CADM4: variants seen among roughly 807,000 people sequenced by gnomAD.
CADM4 encodes cell adhesion molecule 4, also known as TSLC1-like 2.
In CADM4, 13 loss-of-function variants were observed where a neutral mutation model predicts 43.9. That is an observed-to-expected ratio of 0.30 (90% CI 0.19 to 0.47). The LOEUF is 0.47. Among genes scored for constraint, CADM4 ranks in the 20% least tolerant of loss-of-function variants. CADM4 has a pLI of 1.00. For missense variants in CADM4, 420 were observed against 527.0 expected, an observed-to-expected ratio of 0.80 and a Z score of 1.99; for synonymous variants, 209 against 220.9, an observed-to-expected ratio of 0.95 and a Z score of 0.48.
At chr19:43,630,195 G>A (rs1973596626) in intron 1 of CADM4, among the ~76,000 whole-genome samples, 1 of 151,056 alleles carries the variant, frequency 6.6e-6, no homozygotes, top group Non-Finnish European at 1.5e-5. Context: ...ATGAGCCACT[G>A]TGCCCGGCCT....
intron 7 of CADM4, 69 bp from the exon 8 acceptor site, chr19:43,624,311 A>G (rs1568539686): frequency 1.2e-6 from 2 of 1,605,270 alleles, no homozygotes; most frequent in Non-Finnish European, 1.7e-6. Context: ...ATCGCTGCCA[A>G]GCTTTTAAGC....
chr19:43,633,283 A>G (rs1304739300), intron 1 of CADM4, among the ~76,000 whole-genome samples: 1 of 152,096 alleles, frequency 6.6e-6, no homozygotes, highest in African/African-American at 2.4e-5. Context: ...CATGTTGCCC[A>G]GGCTGGTCTC....
rs2146139779 is a variant in CADM4 at position 43,626,986 on chromosome 19, G to C, written c.365-68C>G. 6.7e-7 allele frequency: 1 copy of C among 1,503,414 alleles called. No homozygotes were observed. Among genetic ancestry groups the C allele is most frequent in the Non-Finnish European group, 8.9e-7 (1 of 1,123,594 alleles). The allele number at this position is 1,503,414 out of a possible 1,614,324, so 93.1% of individuals were successfully genotyped here. On this transcript the variant is annotated intron_variant, in intron 3 of 8. Transcript: ENST00000222374. This position sits in a 1 kb window ranked among gnomAD's most constrained non-coding sequence, Gnocchi z 5.9. ...AACGTGGGCTCAAAGCGATCGAGCT[G>C]CCTGTTCCCAGCGACCATAGGGAAC...
rs1973516654 is a variant in CADM4 at position 43,625,853 on chromosome 19, G to A, written c.755+58C>T. On this transcript the variant is annotated intron_variant, in intron 6 of 8. Coordinates refer to ENST00000222374, the MANE Select transcript of CADM4 (RefSeq NM_145296.2). This position sits in a 1 kb window ranked among gnomAD's most constrained non-coding sequence, Gnocchi z 4.5. Reference sequence around the variant, plus strand: ...CCAGGAGTCCAAGTCCCTGGTCCCTGTTCTTCCAGGTCCCCAGCTTTCTCC... The same window carrying A: ...CCAGGAGTCCAAGTCCCTGGTCCCTATTCTTCCAGGTCCCCAGCTTTCTCC... The A allele has an allele frequency of 3.4e-6, 5 of 1,458,454 alleles. No homozygotes were observed. The highest frequency in any genetic ancestry group is 2.3e-5 in the East Asian group (1 of 44,030). 90.3% of individuals were successfully genotyped at this position (1,458,454 alleles called of 1,614,324 possible). A position where few individuals can be genotyped will look rare whatever the true frequency, so the allele number is the denominator to read the frequency against.
intron 1 of CADM4, among the ~76,000 whole-genome samples, chr19:43,629,057 A>C (rs569630018): frequency 6.6e-6 from 1 of 152,372 alleles, no homozygotes; most frequent in South Asian, 2.1e-4. Context: ...GATACAATAC[A>C]TAATTAGGCT....
chr19:43,633,639 C>CT (rs1300538383), intron 1 of CADM4, among the ~76,000 whole-genome samples: 2 of 145,888 alleles, frequency 1.4e-5, no homozygotes, highest in African/African-American at 5.1e-5. Flanking sequence ...TTTCTTCTCT[C>CT]TTTTTTCTTT....
rs1475236196 is a variant in CADM4, at chr19:43,625,968, G to A, written c.698C>T (p.Ala233Val). Residue 233 changes from alanine to valine, a missense_variant, in exon 6 of 9, where the codon GCT becomes GTT. Transcript: ENST00000222374. This position sits in a 1 kb window ranked among gnomAD's most constrained non-coding sequence, Gnocchi z 4.5. The part of the protein sequence containing the change: ...SPTARIHASQ[A>V]VVREGDTLVL... Reference sequence around the variant, plus strand: ...CAGCGTGTCTCCCTCCCTCACCACAGCTTGGGAGGCATGAATCCGGGCCGT... The same window carrying A: ...CAGCGTGTCTCCCTCCCTCACCACAACTTGGGAGGCATGAATCCGGGCCGT... 1.2e-6 allele frequency: 2 copies of A among 1,614,170 alleles called. No individual in the cohort carries two copies. The highest frequency in any genetic ancestry group is 8.5e-7 in the Non-Finnish European group (1 of 1,180,022).
chr19:43,632,810 G>A (rs1047765866), intron 1 of CADM4, among the ~76,000 whole-genome samples: 1 of 152,048 alleles, frequency 6.6e-6, no homozygotes, highest in African/African-American at 2.4e-5. Flanking sequence ...TCAGCCCAGT[G>A]CGGTGGCTCA....
intron 1 of CADM4, among the ~76,000 whole-genome samples, chr19:43,630,453 T>C (rs1973605069): frequency 6.6e-6 from 1 of 151,732 alleles, no homozygotes; most frequent in African/African-American, 2.4e-5. Flanking sequence ...ACTTGGCTAA[T>C]CTTTGTGTTT....
At chr19:43,639,889 G>T (rs1973753944), upstream of CADM4, 8 of 931,970 alleles carry the variant, frequency 8.6e-6, no homozygotes, top group Non-Finnish European at 8.9e-6. Flanking sequence ...CTGCCCGCCC[G>T]GGGGCGGGGC....
At chr19:43,624,897 C>G in intron 7 of CADM4, 181 bp downstream of exon 7, 1 of 620,582 alleles carries the variant, frequency 1.6e-6, no homozygotes, top group Non-Finnish European at 2.8e-6. Flanking sequence ...CAGACAGGTT[C>G]GGTTACCTGC....
Position 43,625,795 on chromosome 19 carries a change from T to C in CADM4, c.755+116A>G, listed in dbSNP as rs1973515245. The C allele has an allele frequency of 1.2e-6, 1 of 816,958 alleles. No homozygotes were observed. The highest frequency in any genetic ancestry group is 2.0e-6 in the Non-Finnish European group (1 of 505,586). The allele number at this position is 816,958 out of a possible 1,614,324, so 50.6% of individuals were successfully genotyped here. On this transcript the variant is annotated intron_variant, in intron 6 of 8. Coordinates refer to ENST00000222374, the MANE Select transcript of CADM4 (RefSeq NM_145296.2). The surrounding 1 kb of genome is among the most constrained non-coding windows in gnomAD (Gnocchi z 4.5). Reference sequence around the variant, plus strand: ...GGAATCCAGGTCCTAGCTCCCTGTTTGTCCAGGTCCTCAGCTCTCTCCTCC... The same window carrying C: ...GGAATCCAGGTCCTAGCTCCCTGTTCGTCCAGGTCCTCAGCTCTCTCCTCC...
Position 43,625,989 on chromosome 19 carries a change from G to A in CADM4, c.677C>T (p.Ala226Val), listed in dbSNP as rs1014289603. 7 of 1,614,184 alleles carry A rather than the reference G, an allele frequency of 4.3e-6. No homozygotes were observed. Among genetic ancestry groups the A allele is most frequent in the Non-Finnish European group, 5.9e-6 (7 of 1,180,026 alleles). ...YVLDVQYSPT[A>V]RIHASQAVVR... ...CACAGCTTGGGAGGCATGAATCCGG[G>A]CCGTGGGGGAGTCTGTTAGGCAAAA... Residue 226 changes from alanine to valine, a missense_variant, in exon 6 of 9, where the codon GCC becomes GTC. Physicochemically the swap from Ala to Val is moderately conservative, Grantham distance 64. Transcript: ENST00000222374. This position sits in a 1 kb window ranked among gnomAD's most constrained non-coding sequence, Gnocchi z 4.5.
In CADM4 at chr19:43,639,723, C is replaced by T. The variant is rs1218073240; in HGVS notation, c.64+4G>A. 4 of 1,006,310 alleles carry T rather than the reference C, an allele frequency of 4.0e-6. No individual in the cohort carries two copies. The highest frequency in any genetic ancestry group is 3.5e-5 in the African/African-American group (2 of 56,944). 62.3% of individuals were successfully genotyped at this position (1,006,310 alleles called of 1,614,324 possible). ...GGCCGGCCGACCCCGGCCCCCGACC[C>T]TACCTGGCCCCGCCGCGGCCGCCCA... On this transcript the variant is annotated splice_donor_region_variant and intron_variant, in intron 1 of 8. Transcript: ENST00000222374.
upstream of CADM4, among the ~76,000 whole-genome samples, chr19:43,641,639 T>C (rs1447753681): frequency 2.0e-5 from 3 of 152,198 alleles, no homozygotes; most frequent in African/African-American, 7.2e-5. Context: ...CAATCCTCTC[T>C]GTCCTGAGAG....
intron 1 of CADM4, among the ~76,000 whole-genome samples, chr19:43,629,572 T>C (rs1399586525): frequency 6.6e-6 from 1 of 152,184 alleles, no homozygotes; most frequent in Admixed American, 6.5e-5. Flanking sequence ...CCATATAACT[T>C]ACCTTTAATC....
intron 1 of CADM4, among the ~76,000 whole-genome samples, chr19:43,636,283 G>T (rs567234122): frequency 6.6e-6 from 1 of 152,188 alleles, no homozygotes; most frequent in East Asian, 1.9e-4. Flanking sequence ...CCAGGCCTCA[G>T]GCCCAGCCAG....
chr19:43,623,322 G>C lies in CADM4; in HGVS notation c.*8C>G, dbSNP rs778169501. The C allele has an allele frequency of 2.5e-6, 4 of 1,610,602 alleles. No individual in the cohort carries two copies. In the Admixed American group the frequency reaches 5.0e-5, roughly 20 times the overall value. Reference sequence around the variant, plus strand: ...AGGCCCAGGCCTAGGCCTGGGGTGGGGATAGGGTCAGATGAAGAATTCCTC... The same window carrying C: ...AGGCCCAGGCCTAGGCCTGGGGTGGCGATAGGGTCAGATGAAGAATTCCTC... On this transcript the variant is annotated 3_prime_UTR_variant, in exon 9 of 9. Coordinates refer to ENST00000222374, the MANE Select transcript of CADM4 (RefSeq NM_145296.2). The surrounding 1 kb of genome is among the most constrained non-coding windows in gnomAD (Gnocchi z 4.4).
chr19:43,626,736 T>G lies in CADM4; in HGVS notation c.499+48A>C, dbSNP rs766825615. On this transcript the variant is annotated intron_variant, in intron 4 of 8. Transcript: ENST00000222374. The surrounding 1 kb of genome is among the most constrained non-coding windows in gnomAD (Gnocchi z 5.9). ...CTCTCCACATATAAACAACCTCTCCTAAGTCCCACCTCCTCCCCATCCCTT... is the reference window on the plus strand; with the variant it reads ...CTCTCCACATATAAACAACCTCTCCGAAGTCCCACCTCCTCCCCATCCCTT... 1 of 1,518,614 alleles carries G rather than the reference T, an allele frequency of 6.6e-7. No homozygotes were observed. Among genetic ancestry groups the G allele is most frequent in the Non-Finnish European group, 8.8e-7 (1 of 1,131,116 alleles). 94.1% of individuals were successfully genotyped at this position (1,518,614 alleles called of 1,614,324 possible).
Sources: gnomAD v4.1 joint callset for allele counts (sites outside exome capture counted in the v4.1 genomes callset) on GRCh38, gnomAD v4.1.1 for gene constraint, Gnocchi (gnomAD v3.1) non-coding constraint, MANE v1.5 for transcripts, NCBI Gene and HGNC (gene_info 2026-07-23, HGNC 2026-07-21) for gene names.